The following AFDN variants were observed in gnomAD, a reference collection of about 807,000 sequenced individuals.
AFDN encodes the protein afadin.
A neutral mutation model predicts 216.6 loss-of-function variants in AFDN; 68 were observed. That is an observed-to-expected ratio of 0.31 (90% confidence interval 0.26 to 0.38). The LOEUF (loss-of-function observed/expected upper bound fraction) is 0.38. Among genes scored for constraint, AFDN ranks in the 10% least tolerant of loss-of-function variants. The probability of loss-of-function intolerance (pLI) is 1.00; values close to 1 mark genes in which losing one functional copy is unlikely to be tolerated. For missense variants in AFDN, 2,136 were observed against 2,342.0 expected (o/e 0.91, Z 1.82); for synonymous variants, 868 against 853.7 (o/e 1.02, Z -0.29).
rs1341386474 is a variant in AFDN, at chr6:167,875,089, A to T, written c.579-246A>T. Among the ~76,000 whole-genome samples, 5 of 152,162 alleles carry T rather than the reference A, an allele frequency of 3.3e-5. 1 individual carries two copies. In the South Asian group the frequency reaches 8.3e-4, roughly 25 times the overall value. The stretch of plus-strand genomic sequence containing the variant: ...TTCTTTTAGCATTATTCATGAATAA[A>T]CTCACTATTAATGTAAACTTTTAAT... On this transcript the variant is annotated intron_variant, in intron 4 of 33. Transcript: ENST00000683244.
intron 1 of AFDN, among the ~76,000 whole-genome samples, chr6:167,861,699 A>G (rs568541971): frequency 6.6e-6 from 1 of 152,138 alleles, no homozygotes; most frequent in South Asian, 2.1e-4. Flanking sequence ...GCTGATGTTA[A>G]TGGGCATTCC....
intron 5 of AFDN, among the ~76,000 whole-genome samples, chr6:167,877,039 G>C (rs970417933): frequency 6.6e-6 from 1 of 152,192 alleles, no homozygotes; most frequent in Non-Finnish European, 1.5e-5. Flanking sequence ...CCCATTAAAA[G>C]TATTGCTTTG....
chr6:167,891,549 A>G (rs1787613958), intron 8 of AFDN, among the ~76,000 whole-genome samples: 1 of 152,062 alleles, frequency 6.6e-6, no homozygotes, highest in African/African-American at 2.4e-5. Context: ...ATTTGATTTT[A>G]AAGTAACAGA....
intron 1 of AFDN, 75 bp from the exon 2 acceptor site, chr6:167,864,476 T>C: frequency 1.5e-6 from 2 of 1,349,618 alleles, no homozygotes; most frequent in Non-Finnish European, 2.1e-6. Flanking sequence ...ACAGACTTCC[T>C]CATTTATTAT....
chr6:167,911,051 T>C, intron 13 of AFDN, 50 bp from the exon 14 acceptor site: 1 of 1,481,458 alleles, frequency 6.8e-7, no homozygotes, highest in Non-Finnish European at 9.3e-7. Flanking sequence ...GTCAGTAATA[T>C]TGTTAGCCAT....
chr6:167,939,223 C>T (rs1024702276), intron 23 of AFDN, among the ~76,000 whole-genome samples: 3 of 152,088 alleles, frequency 2.0e-5, no homozygotes, highest in Non-Finnish European at 4.4e-5. Flanking sequence ...AATTGGTTAT[C>T]TTAGTAAAGG....
chr6:167,841,594 A>G (rs1276267573), intron 1 of AFDN, among the ~76,000 whole-genome samples: 2 of 152,306 alleles, frequency 1.3e-5, no homozygotes, highest in East Asian at 3.9e-4. Context: ...AAAGTTTGTT[A>G]AATTGCATTT....
At chr6:167,945,012 TTAGC>T (rs1795102621) in intron 26 of AFDN, among the ~76,000 whole-genome samples, 1 of 152,102 alleles carries the variant, frequency 6.6e-6, no homozygotes. Context: ...TAAATTAACC[TTAGC>T]TTGCTGTAAC....
At chr6:167,842,436 G>T (rs1047801599) in intron 1 of AFDN, among the ~76,000 whole-genome samples, 2 of 152,006 alleles carry the variant, frequency 1.3e-5, no homozygotes, top group Non-Finnish European at 2.9e-5. Context: ...ACAATCCTGA[G>T]GTCAAGGAGG....
intron 31 of AFDN, chr6:167,963,945 C>T (rs1797281513): frequency 9.4e-7 from 1 of 1,064,670 alleles, no homozygotes; most frequent in Non-Finnish European, 1.1e-6. Flanking sequence ...TTGGCTGTCC[C>T]AGGCCGTGCA....
intron 21 of AFDN, among the ~76,000 whole-genome samples, chr6:167,919,618 G>T (rs1005332501): frequency 3.9e-5 from 6 of 152,256 alleles, no homozygotes; most frequent in African/African-American, 1.4e-4. Flanking sequence ...GTGCTTTTCT[G>T]TGTGAAGGGC....
chr6:167,952,793 A>G (rs1796139483), intron 30 of AFDN, among the ~76,000 whole-genome samples: 2 of 152,262 alleles, frequency 1.3e-5, no homozygotes, highest in Non-Finnish European at 2.9e-5. Context: ...CAAAAATAGA[A>G]TCTTCACAGT....
intron 2 of AFDN, among the ~76,000 whole-genome samples, chr6:167,868,448 A>G (rs770953950): frequency 1.3e-5 from 2 of 152,234 alleles, no homozygotes; most frequent in Non-Finnish European, 2.9e-5. Context: ...AGTGTATCTC[A>G]TATTTATCAT....
rs1794895870 is a variant in AFDN at position 167,943,168 on chromosome 6, G to A, written c.3139G>A (p.Val1047Ile). The A allele has an allele frequency of 4.3e-6, 7 of 1,613,994 alleles. No homozygotes were observed. Among genetic ancestry groups the A allele is most frequent in the Non-Finnish European group, 5.9e-6 (7 of 1,179,938 alleles). ...TAAACTAGGAATCTATGTGAAGTCG[G>A]TTGTGAAAGGAGGTGCTGCAGATGT... ...QDKLGIYVKS[V>I]VKGGAADVDG... Residue 1047 changes from valine (V) to isoleucine (I), a missense_variant, in exon 24 of 34, where the codon GTT becomes ATT. Val to Ile is a conservative substitution (Grantham distance 29). Coordinates refer to ENST00000683244, the MANE Select transcript of AFDN (RefSeq NM_001386888.1).
chr6:167,938,258 CAG>C lies in AFDN; in HGVS notation c.3100-4869_3100-4868del, dbSNP rs141352536. On this transcript the variant is annotated intron_variant, in intron 23 of 33. Coordinates refer to ENST00000683244, the MANE Select transcript of AFDN (RefSeq NM_001386888.1). ...CATCAACCAAGTCATGAACATGAGTCAGATAGAATGGGAAGAGGTGAGGGGCG... is the reference window on the plus strand; with the variant it reads ...CATCAACCAAGTCATGAACATGAGTCATAGAATGGGAAGAGGTGAGGGGCG... Among the ~76,000 whole-genome samples, 400 of 152,218 alleles carry C rather than the reference CAG, an allele frequency of 2.6e-3. 3 individuals carry two copies. The highest frequency in any genetic ancestry group is 8.9e-3 in the African/African-American group (371 of 41,518).
At chr6:167,969,730 AC>A (rs1364796982) in intron 33 of AFDN, 51 bp from the exon 34 acceptor site, 4 of 1,542,972 alleles carry the variant, frequency 2.6e-6, no homozygotes, top group Non-Finnish European at 3.5e-6. Context: ...GTAATTGTTG[AC>A]AGGTTGTTTC....
intron 2 of AFDN, among the ~76,000 whole-genome samples, chr6:167,865,829 T>C (rs2128232308): frequency 6.6e-6 from 1 of 152,232 alleles, no homozygotes; most frequent in South Asian, 2.1e-4. Context: ...AAATACTGCT[T>C]TCTTTGTACA....
At chr6:167,935,571 A>G (rs1793892711) in intron 23 of AFDN, among the ~76,000 whole-genome samples, 1 of 152,220 alleles carries the variant, frequency 6.6e-6, no homozygotes, top group African/African-American at 2.4e-5. Context: ...CTCTGCCTCA[A>G]CTTTTCTTTA....
intron 23 of AFDN, among the ~76,000 whole-genome samples, chr6:167,928,518 A>G (rs1241642448): frequency 6.6e-6 from 1 of 152,262 alleles, no homozygotes; most frequent in Non-Finnish European, 1.5e-5. Context: ...GAGGAGCTCC[A>G]GAAGGAAGAT....
Sources: gnomAD v4.1 joint callset for allele counts (sites outside exome capture counted in the v4.1 genomes callset) on GRCh38, gnomAD v4.1.1 for gene constraint, MANE v1.5 for transcripts, NCBI Gene and HGNC (gene_info 2026-07-23, HGNC 2026-07-21) for gene names.